Variants in PCDHGA6 observed in about 807,000 individuals in gnomAD.
The protein encoded by PCDHGA6 is protocadherin gamma-A6.
A neutral mutation model predicts 60.6 loss-of-function variants in PCDHGA6; 41 were observed. The ratio of observed to expected loss-of-function variants is 0.68; its 90% confidence interval spans 0.53 to 0.88. The LOEUF is 0.88. Ranked by LOEUF, PCDHGA6 falls within the 40% of genes least tolerant of loss-of-function variation. The probability of loss-of-function intolerance (pLI) is 0.00; values close to 1 mark genes in which losing one functional copy is unlikely to be tolerated. For missense variants in PCDHGA6, 1,312 were observed against 1,203.0 expected (o/e 1.09, Z -1.34); for synonymous variants, 594 against 524.4 (o/e 1.13, Z -1.81).
rs747671382 is a variant in PCDHGA6 at position 141,444,152 on chromosome 5, ATTTTTTTTTTTTTTTTTTTT to A, written c.2425-50638_2425-50619del. ...GATATGTGTCACTTGTGTGTACTGG[ATTTTTTTTTTTTTTTTTTTT>A]TTTTTTTTTTTTTTTTGAGATGGAG... On this transcript the variant is annotated intron_variant, in intron 1 of 3. Transcript: ENST00000517434. 2.4e-4 allele frequency among the ~76,000 whole-genome samples: 8 copies of A among 33,898 alleles called. No homozygotes were observed. In the East Asian group the frequency reaches 3.0e-3, roughly 13 times the overall value. 22.2% of individuals were successfully genotyped at this position (33,898 alleles called of 152,430 possible). A position where few individuals can be genotyped will look rare whatever the true frequency, so the allele number is the denominator to read the frequency against.
In PCDHGA6 at chr5:141,476,316, G is replaced by A. The variant is rs536532455; in HGVS notation, c.2425-18491G>A. On this transcript the variant is annotated intron_variant, in intron 1 of 3. Coordinates refer to ENST00000517434, the MANE Select transcript of PCDHGA6 (RefSeq NM_018919.3). This position sits in a 1 kb window ranked among gnomAD's most constrained non-coding sequence, Gnocchi z 7.6. ...GGTAGCCTCTCAGCCCGCAGGTTCC[G>A]GGTGGTGTCTGGAGCTAGCCGAAGA... is the stretch of plus-strand genomic sequence containing the variant. The A allele has an allele frequency of 6.2e-7, 1 of 1,614,176 alleles. No individual in the cohort carries two copies. The highest frequency in any genetic ancestry group is 1.7e-5 in the Admixed American group (1 of 60,028).
chr5:141,492,125 C>T (rs1284932830), intron 1 of PCDHGA6, among the ~76,000 whole-genome samples: 1 of 152,222 alleles, frequency 6.6e-6, no homozygotes, highest in Non-Finnish European at 1.5e-5. Context: ...TTCTCCCCAG[C>T]TCCCAGCATC....
Position 141,413,166 on chromosome 5 carries a change from C to T in PCDHGA6, c.2424+36659C>T, listed in dbSNP as rs758193163. ...GTGAGGACTTTGCAGAATTCTGTAA[C>T]CAGACTACAATGGCCGCTCAAAGGA... On this transcript the variant is annotated intron_variant, in intron 1 of 3. Transcript: ENST00000517434. 5 of 1,590,278 alleles carry T rather than the reference C, an allele frequency of 3.1e-6. No individual in the cohort carries two copies. The East Asian group carries it at 1.1e-4, about 36-fold the overall frequency.
In PCDHGA6 at chr5:141,477,556, T is replaced by C. The variant is rs2099412953; in HGVS notation, c.2425-17251T>C. On this transcript the variant is annotated intron_variant, in intron 1 of 3. Transcript: ENST00000517434. The surrounding 1 kb of genome is among the most constrained non-coding windows in gnomAD (Gnocchi z 4.9). The stretch of plus-strand genomic sequence containing the variant: ...CCGGGGCTCCAATACTAAACCTAAG[T>C]GTCTGGGACCCCGACGCCCCGCAGA... 6.2e-7 allele frequency: 1 copy of C among 1,614,164 alleles called. No homozygotes were observed. The highest frequency in any genetic ancestry group is 1.1e-5 in the South Asian group (1 of 91,086).
intron 1 of PCDHGA6, among the ~76,000 whole-genome samples, chr5:141,479,977 A>G (rs145953890): frequency 0.015 from 2,300 of 152,320 alleles, 30 homozygotes; most frequent in Non-Finnish European, 0.024. Context: ...AGGTTCTACC[A>G]TTTACCAACT....
chr5:141,430,369 A>G (rs564811230), intron 1 of PCDHGA6, among the ~76,000 whole-genome samples: 1 of 151,582 alleles, frequency 6.6e-6, no homozygotes, highest in East Asian at 1.9e-4. Flanking sequence ...ATTGGGGAAA[A>G]AAAAGCTCAT....
chr5:141,437,377 A>G (rs1021305426), intron 1 of PCDHGA6, among the ~76,000 whole-genome samples: 3 of 152,246 alleles, frequency 2.0e-5, no homozygotes, highest in Non-Finnish European at 2.9e-5. Flanking sequence ...AATCAGTCAG[A>G]AGACATTCAT....
intron 1 of PCDHGA6, chr5:141,427,495 C>T: frequency 1.8e-6 from 1 of 562,648 alleles, no homozygotes; most frequent in South Asian, 1.5e-5. Flanking sequence ...AAGCTTGTAA[C>T]AGATGGGACC....
chr5:141,447,433 C>G (rs756021616), intron 1 of PCDHGA6, among the ~76,000 whole-genome samples: 1 of 152,118 alleles, frequency 6.6e-6, no homozygotes. Context: ...CCACCGCACC[C>G]GGAGGAAATT....
At chr5:141,449,631 G>C in intron 1 of PCDHGA6, among the ~76,000 whole-genome samples, 1 of 148,476 alleles carries the variant, frequency 6.7e-6, no homozygotes, top group Middle Eastern at 3.6e-3. Flanking sequence ...TTAAAAAGAT[G>C]TATCTATATA....
chr5:141,397,271 T>C (rs552218945), intron 1 of PCDHGA6, among the ~76,000 whole-genome samples: 1 of 152,312 alleles, frequency 6.6e-6, no homozygotes, highest in East Asian at 1.9e-4. Context: ...AGCTACATCA[T>C]ATGGGCAGTA....
At chr5:141,405,505 C>T (rs573282216) in intron 1 of PCDHGA6, 22 of 751,126 alleles carry the variant, frequency 2.9e-5, no homozygotes, top group Admixed American at 1.7e-4. Flanking sequence ...TTGCAACCTC[C>T]GCCTCCCAAA....
chr5:141,387,995 T>TCC (rs2091190111), intron 1 of PCDHGA6: 1 of 1,490,632 alleles, frequency 6.7e-7, no homozygotes, highest in Admixed American at 2.1e-5. Flanking sequence ...GCTACAGGAT[T>TCC]CCCGAGGAAA....
At chr5:141,509,805 G>A (rs150684746) in intron 3 of PCDHGA6, among the ~76,000 whole-genome samples, 2 of 152,248 alleles carry the variant, frequency 1.3e-5, no homozygotes, top group Middle Eastern at 3.4e-3. Flanking sequence ...GCTTCATAGA[G>A]CCGAGCTCTT....
rs374049261 is a variant in PCDHGA6, at chr5:141,393,657, C to T, written c.2424+17150C>T. ...CAACGGAAAAGTGGCATACAAATTC[C>T]GGAAAATTAATGAAAAACAAACTCC... On this transcript the variant is annotated intron_variant, in intron 1 of 3. Coordinates refer to ENST00000517434, the MANE Select transcript of PCDHGA6 (RefSeq NM_018919.3). The T allele has an allele frequency of 3.5e-5, 57 of 1,613,744 alleles. No individual in the cohort carries two copies. In the African/African-American group the frequency reaches 6.5e-4, roughly 19 times the overall value.
intron 1 of PCDHGA6, chr5:141,377,208 T>A (rs1773778688): frequency 6.6e-6 from 1 of 152,244 alleles, no homozygotes; most frequent in Non-Finnish European, 1.5e-5. Context: ...ATTGAGTACA[T>A]CTCGTTTCTT....
intron 1 of PCDHGA6, chr5:141,387,848 C>A (rs746271589): frequency 1.1e-5 from 18 of 1,597,460 alleles, no homozygotes; most frequent in Non-Finnish European, 1.5e-5. Flanking sequence ...AACCCGGCGT[C>A]TCCAGGCTGG....
chr5:141,389,135 T>C (rs547733890), intron 1 of PCDHGA6: 2 of 1,613,982 alleles, frequency 1.2e-6, no homozygotes, highest in Admixed American at 1.7e-5. Context: ...CAGAGTACAA[T>C]ATAACCGTTA....
At chr5:141,450,460 TTATA>T (rs1234300844) in intron 1 of PCDHGA6, among the ~76,000 whole-genome samples, 1 of 152,104 alleles carries the variant, frequency 6.6e-6, no homozygotes, top group Non-Finnish European at 1.5e-5. Flanking sequence ...CCTCGTGATT[TTATA>T]TATAGAGTTT....
Sources: allele counts gnomAD v4.1 joint callset (sites outside exome capture counted in the v4.1 genomes callset), GRCh38; gene constraint gnomAD v4.1.1; non-coding constraint Gnocchi (gnomAD v3.1); transcripts MANE v1.5; gene names NCBI Gene and HGNC (gene_info 2026-07-23, HGNC 2026-07-21).